SLC2A11: variants seen among roughly 807,000 people sequenced by gnomAD.
SLC2A11 encodes the protein solute carrier family 2, facilitated glucose transporter member 11.
Under a neutral mutation model 52.1 loss-of-function variants are expected in SLC2A11, and 43 were observed. That is an observed-to-expected ratio of 0.82 (90% confidence interval 0.65 to 1.06). SLC2A11 has a LOEUF of 1.06. Ranked by LOEUF, SLC2A11 falls within the 50% of genes least tolerant of loss-of-function variation. SLC2A11 has a pLI of 0.00. For missense variants in SLC2A11, 582 were observed against 654.2 expected (o/e 0.89, Z 1.20); for synonymous variants, 261 against 277.6 (o/e 0.94, Z 0.59).
chr22:23,857,351 G>A, upstream of SLC2A11: 1 of 1,415,178 alleles, frequency 7.1e-7, no homozygotes, highest in Non-Finnish European at 9.8e-7. Context: ...TCGCTTGCTG[G>A]CACTTGCGAG....
intron 6 of SLC2A11, 28 bp downstream of exon 6, chr22:23,877,897 C>T: frequency 6.3e-7 from 1 of 1,590,162 alleles, no homozygotes; most frequent in Non-Finnish European, 8.6e-7. Flanking sequence ...GGCTCCCAGA[C>T]TGCCCTTGAC....
In SLC2A11 at chr22:23,857,988, C is replaced by A. The variant is rs1196776120; in HGVS notation, c.-12C>A. On this transcript the variant is annotated 5_prime_UTR_variant, in exon 1 of 12. Transcript: ENST00000316185. ...TGGGACAGCAAGACCTCCGCTCAGG[C>A]CCCTCTTTCGAATGCTCCACGCCCT... The A allele has an allele frequency of 7.5e-6, 12 of 1,591,348 alleles. No homozygotes were observed. The highest frequency in any genetic ancestry group is 1.0e-5 in the Non-Finnish European group (12 of 1,169,974).
chr22:23,883,895 TG>T, intron 9 of SLC2A11, 22 bp downstream of exon 9: 5 of 1,608,684 alleles, frequency 3.1e-6, no homozygotes, highest in Admixed American at 1.7e-5. Flanking sequence ...GGATGAGGGC[TG>T]GGGGGTCCAG....
chr22:23,875,857 G>A (rs2032598963), intron 4 of SLC2A11, among the ~76,000 whole-genome samples: 1 of 152,168 alleles, frequency 6.6e-6, no homozygotes, highest in Non-Finnish European at 1.5e-5. Flanking sequence ...TGTGGGCCAG[G>A]AACCCAGGAA....
At chr22:23,864,700 G>T (rs1323003250) in intron 2 of SLC2A11, among the ~76,000 whole-genome samples, 2 of 152,176 alleles carry the variant, frequency 1.3e-5, no homozygotes, top group Non-Finnish European at 2.9e-5. Context: ...GCCGGGCAGG[G>T]CACTCTCAGA....
chr22:23,867,687 G>A (rs771235891), intron 2 of SLC2A11: 1 of 470,524 alleles, frequency 2.1e-6, no homozygotes, highest in Admixed American at 2.4e-5. Context: ...CTCTAGGAAA[G>A]GGAGAGGAGC....
rs997295873 is a variant in SLC2A11, at chr22:23,863,648, G to T, written c.129+1446G>T. On this transcript the variant is annotated intron_variant, in intron 2 of 11. Transcript: ENST00000316185. ...TTTTTTTTTTTTGGGACAGAGTCTT[G>T]CTCTCTCACCCAGGCTGGAGTGCAG... is the stretch of plus-strand genomic sequence containing the variant. 1.8e-4 allele frequency among the ~76,000 whole-genome samples: 19 copies of T among 106,568 alleles called. No individual in the cohort carries two copies. In the East Asian group the frequency reaches 5.6e-3, roughly 32 times the overall value. The allele number at this position is 106,568 out of a possible 152,430, so 69.9% of individuals were successfully genotyped here. A position where few individuals can be genotyped will look rare whatever the true frequency, so the allele number is the denominator to read the frequency against.
At chr22:23,858,418 C>T (rs918891118) in intron 1 of SLC2A11, among the ~76,000 whole-genome samples, 2 of 152,174 alleles carry the variant, frequency 1.3e-5, no homozygotes, top group Admixed American at 1.3e-4. Context: ...ACCTGACGTC[C>T]TGCCTCACAG....
At chr22:23,857,544 C>A, upstream of SLC2A11, 1 of 1,606,652 alleles carries the variant, frequency 6.2e-7, no homozygotes, top group Non-Finnish European at 8.5e-7. Flanking sequence ...GAGCTCCCAG[C>A]GGCGGCGACA....
intron 6 of SLC2A11, chr22:23,880,372 A>G (rs2032761871): frequency 6.6e-6 from 1 of 152,148 alleles, no homozygotes; most frequent in Non-Finnish European, 1.5e-5. Flanking sequence ...GCTTTTGCCA[A>G]TACAACTTTC....
chr22:23,858,391 A>T (rs570227245), intron 1 of SLC2A11, among the ~76,000 whole-genome samples: 1 of 143,866 alleles, frequency 7.0e-6, no homozygotes, highest in Non-Finnish European at 1.5e-5. Context: ...TTTCCTCCTC[A>T]TGCTCCCTCA....
chr22:23,879,093 GT>G (rs2032718650), intron 6 of SLC2A11, among the ~76,000 whole-genome samples: 1 of 152,006 alleles, frequency 6.6e-6, no homozygotes, highest in South Asian at 2.1e-4. Flanking sequence ...TTCCAGCTCT[GT>G]CCCCTACCCC....
intron 3 of SLC2A11, chr22:23,869,711 C>T (rs2032389528): frequency 2.7e-6 from 1 of 365,818 alleles, no homozygotes; most frequent in Non-Finnish European, 4.9e-6. Context: ...ATAACTGAGA[C>T]TGGATAATGT....
At chr22:23,877,930 T>C (rs111955108) in intron 6 of SLC2A11, 61 bp downstream of exon 6, 1 of 1,511,278 alleles carries the variant, frequency 6.6e-7, no homozygotes, top group Non-Finnish European at 8.9e-7. Context: ...CTCCCCAGAG[T>C]ATACGGGTCC....
chr22:23,857,007 G>C (rs778100844), upstream of SLC2A11: 5 of 1,585,278 alleles, frequency 3.2e-6, no homozygotes, highest in South Asian at 1.1e-5. Flanking sequence ...TCTATCTTTC[G>C]GTCTTTCCTA....
chr22:23,877,366 C>T (rs1287475034), intron 5 of SLC2A11, 195 bp downstream of exon 5: 5 of 946,456 alleles, frequency 5.3e-6, no homozygotes, highest in Middle Eastern at 2.1e-4. Context: ...TGTGAATCAC[C>T]TTTTCCCATC....
At chr22:23,875,003 C>T (rs2032570125) in intron 3 of SLC2A11, 114 bp from the exon 4 acceptor site, 1 of 1,241,746 alleles carries the variant, frequency 8.1e-7, no homozygotes, top group Admixed American at 3.1e-5. Flanking sequence ...ATACTACATA[C>T]ATTTGTGTGT....
rs144615650 is a variant in SLC2A11, at chr22:23,882,823, C to A, written c.947C>A (p.Ala316Glu). ...GTGCCGGAAGCGAAGATCCAGTACG[C>A]GATCATCGGGACTGGGAGCTGCGAG... ...AGVPEAKIQYAIIGTGSCELL... is the reference protein window; with the variant it reads ...AGVPEAKIQYEIIGTGSCELL... The change falls in exon 8 of 12, where the codon GCG becomes GAG. Residue 316 changes from alanine to glutamate, a missense_variant. Coordinates refer to ENST00000316185, the MANE Select transcript of SLC2A11 (RefSeq NM_001024939.4). The A allele has an allele frequency of 8.7e-6, 14 of 1,613,628 alleles. No individual in the cohort carries two copies. The Admixed American group carries it at 2.3e-4, about 27-fold the overall frequency.
chr22:23,882,565 G>C lies in SLC2A11; in HGVS notation c.801G>C (p.Leu267=). 1 of 1,612,700 alleles carries C rather than the reference G, an allele frequency of 6.2e-7. No individual in the cohort carries two copies. The highest frequency in any genetic ancestry group is 8.5e-7 in the Non-Finnish European group (1 of 1,179,578). ...QGCRARRPWE[L]FQHRALRRQV... ...GCCGTGCCCGGCGCCCATGGGAGCT[G>C]TTCCAGCATCGGGCCCTGAGGAGAC... is the stretch of plus-strand genomic sequence containing the variant. Residue 267 remains leucine, a synonymous_variant, in exon 7 of 12, where the codon CTG becomes CTC. Transcript: ENST00000316185.
Sources: allele counts gnomAD v4.1 joint callset (sites outside exome capture counted in the v4.1 genomes callset), GRCh38; gene constraint gnomAD v4.1.1; transcripts MANE v1.5; gene names NCBI Gene and HGNC (gene_info 2026-07-23, HGNC 2026-07-21).